Variants in DMD observed in about 807,000 individuals in gnomAD.
The protein encoded by DMD is mutant dystrophin.
In DMD, 63 loss-of-function variants were observed where a neutral mutation model predicts 330.1. The observed-to-expected ratio is 0.19, with a 90% confidence interval of 0.16 to 0.24. The LOEUF is 0.24. DMD is among the 10% of genes least tolerant of loss of function. The probability of loss-of-function intolerance (pLI) is 1.00; values close to 1 mark genes in which losing one functional copy is unlikely to be tolerated. For missense variants in DMD, 3,344 were observed against 2,684.1 expected, an observed-to-expected ratio of 1.25 and a Z score of -5.43; for synonymous variants, 1,223 against 959.8, an observed-to-expected ratio of 1.27 and a Z score of -5.07.
intron 2 of DMD, among the ~76,000 whole-genome samples, chrX:32,963,764 A>G: frequency 9.0e-6 from 1 of 111,636 alleles, no homozygotes; most frequent in Non-Finnish European, 1.9e-5. Context: ...GGGTCAACCA[A>G]AGTGTATAAA....
chrX:33,137,274 C>T (rs1450027857), intron 1 of DMD, among the ~76,000 whole-genome samples: 1 of 111,333 alleles, frequency 9.0e-6, no homozygotes, highest in African/African-American at 3.3e-5. Flanking sequence ...GGCATGAGGA[C>T]TATTAGTCTA....
At chrX:31,324,380 T>C (rs1427012176) in intron 61 of DMD, among the ~76,000 whole-genome samples, 1 of 103,072 alleles carries the variant, frequency 9.7e-6, no homozygotes, top group Admixed American at 1.0e-4. Context: ...GTCAAATGAA[T>C]GATCTTTGCA....
At chrX:32,395,663 A>G (rs1375029112) in intron 30 of DMD, among the ~76,000 whole-genome samples, 3 of 111,860 alleles carry the variant, frequency 2.7e-5, no homozygotes, top group Admixed American at 1.9e-4. Context: ...TTTTTAGGAA[A>G]TTTACATGAT....
chrX:32,114,141 G>A (rs1409980553), intron 44 of DMD, among the ~76,000 whole-genome samples: 1 of 111,856 alleles, frequency 8.9e-6, no homozygotes, highest in Non-Finnish European at 1.9e-5. Context: ...TACATTGTTT[G>A]TATTTATCTT....
intron 42 of DMD, among the ~76,000 whole-genome samples, chrX:32,293,910 A>T (rs1007327232): frequency 1.8e-5 from 2 of 111,764 alleles, no homozygotes; most frequent in Non-Finnish European, 3.8e-5. Flanking sequence ...ACTCAAGCGT[A>T]TCTCTAGTAT....
At chrX:31,346,957 C>T (rs1009012079) in intron 61 of DMD, among the ~76,000 whole-genome samples, 3 of 88,823 alleles carry the variant, frequency 3.4e-5, no homozygotes, top group Admixed American at 2.9e-4. Context: ...GCCAAGATCA[C>T]GCCACTGCAC....
At chrX:32,951,596 T>C (rs1464849255) in intron 2 of DMD, among the ~76,000 whole-genome samples, 1 of 111,499 alleles carries the variant, frequency 9.0e-6, no homozygotes, top group Non-Finnish European at 1.9e-5. Context: ...CATGGGTTTC[T>C]CCTTTCTGAA....
At chrX:31,731,736 T>G (rs1484947905) in intron 51 of DMD, among the ~76,000 whole-genome samples, 1 of 111,671 alleles carries the variant, frequency 9.0e-6, no homozygotes, top group Non-Finnish European at 1.9e-5. Flanking sequence ...AAGATTATCT[T>G]TATTGGGTTG....
At chrX:31,368,329 T>C (rs1453109467) in intron 60 of DMD, among the ~76,000 whole-genome samples, 4 of 112,404 alleles carry the variant, frequency 3.6e-5, no homozygotes, top group Non-Finnish European at 7.5e-5. Flanking sequence ...ATTTTCTACA[T>C]TGTTTTGAAT....
Position 33,005,275 on chromosome X carries a change from A to AACACACAC in DMD, c.93+14856_93+14863dup, listed in dbSNP as rs376666672. On this transcript the variant is annotated intron_variant, in intron 2 of 78. Transcript: ENST00000357033. ...AACTTTTGGACTTTACACACACACA[A>AACACACAC]ACACACACACACACACACACGCATA... is the stretch of plus-strand genomic sequence containing the variant. Among the ~76,000 whole-genome samples, 897 of 102,480 alleles carry AACACACAC rather than the reference A, an allele frequency of 8.8e-3. 3 individuals are homozygous for AACACACAC. Among genetic ancestry groups the AACACACAC allele is most frequent in the East Asian group, 0.018 (58 of 3,239 alleles). 89.0% of individuals were successfully genotyped at this position (102,480 alleles called of 115,157 possible).
Position 32,816,536 on chromosome X carries a change from A to G in DMD, c.462T>C (p.Val154=), listed in dbSNP as rs1212962640. 10 of 1,209,943 alleles carry G rather than the reference A, an allele frequency of 8.3e-6. No individual in the cohort carries two copies. The highest frequency in any genetic ancestry group is 1.1e-5 in the Non-Finnish European group (10 of 895,065). ...AGCTGGTGGTGAAGTTGATTACATTAACCTGTGGATAATTACGAGTTGATT... is the reference window on the plus strand; with the variant it reads ...AGCTGGTGGTGAAGTTGATTACATTGACCTGTGGATAATTACGAGTTGATT... ...VRQSTRNYPQ[V]NVINFTTSWS... The change falls in exon 6 of 79, where the codon GTT becomes GTC. Residue 154 remains valine (V), a synonymous_variant. Coordinates refer to ENST00000357033, the MANE Select transcript of DMD (RefSeq NM_004006.3).
chrX:32,562,380 G>A (rs1162599744), intron 16 of DMD, among the ~76,000 whole-genome samples: 1 of 112,243 alleles, frequency 8.9e-6, no homozygotes, highest in African/African-American at 3.2e-5. Flanking sequence ...CCATGCAACT[G>A]CTTCAAAAGG....
intron 55 of DMD, 52 bp downstream of exon 55, chrX:31,627,621 G>T: frequency 1.7e-6 from 2 of 1,161,371 alleles, no homozygotes. Flanking sequence ...CAAATGCTGA[G>T]AATTGTTCAA....
intron 7 of DMD, among the ~76,000 whole-genome samples, chrX:32,803,623 C>A (rs2076744546): frequency 1.8e-5 from 2 of 111,863 alleles, no homozygotes; most frequent in Admixed American, 1.9e-4. Context: ...CTTCTAAACA[C>A]TTCTTTAGCT....
At chrX:32,189,364 A>G (rs1466479135) in intron 44 of DMD, among the ~76,000 whole-genome samples, 2 of 86,648 alleles carry the variant, frequency 2.3e-5, no homozygotes, top group Non-Finnish European at 4.3e-5. Flanking sequence ...GGGTGTCAGC[A>G]AACTACAAAA....
intron 44 of DMD, among the ~76,000 whole-genome samples, chrX:32,027,903 G>A (rs962013767): frequency 3.6e-5 from 4 of 112,207 alleles, no homozygotes; most frequent in Non-Finnish European, 7.5e-5. Flanking sequence ...GCCCTAGGCC[G>A]GAAGTTATGG....
chrX:32,356,543 G>A (rs1374290587), intron 37 of DMD, among the ~76,000 whole-genome samples: 1 of 110,524 alleles, frequency 9.0e-6, no homozygotes, highest in African/African-American at 3.3e-5. Flanking sequence ...CAATTTTCAA[G>A]GCCTATATGG....
chrX:32,893,523 A>C (rs1170449488), intron 2 of DMD, among the ~76,000 whole-genome samples: 1 of 112,138 alleles, frequency 8.9e-6, no homozygotes, highest in Non-Finnish European at 1.9e-5. Flanking sequence ...CTTCCTCCTC[A>C]GTAATTTACT....
chrX:31,990,997 C>T (rs1171718641), intron 44 of DMD, among the ~76,000 whole-genome samples: 2 of 111,729 alleles, frequency 1.8e-5, no homozygotes, highest in Admixed American at 9.5e-5. Flanking sequence ...AGATGACAAA[C>T]AAAAGGTCTA....
Sources: allele counts gnomAD v4.1 joint callset (sites outside exome capture counted in the v4.1 genomes callset), GRCh38; gene constraint gnomAD v4.1.1; transcripts MANE v1.5; gene names NCBI Gene and HGNC (gene_info 2026-07-23, HGNC 2026-07-21).